BCAS3: variants seen among roughly 807,000 people sequenced by gnomAD.
BCAS3 encodes the protein BCAS4/BCAS3 fusion.
A neutral mutation model predicts 116.1 loss-of-function variants in BCAS3; 53 were observed. The ratio of observed to expected loss-of-function variants is 0.46; its 90% CI spans 0.37 to 0.57. BCAS3 has a LOEUF of 0.57. BCAS3 is among the 20% of genes least tolerant of loss of function. The pLI is 0.00. For synonymous variants in BCAS3, 391 were observed against 408.2 expected, an observed-to-expected ratio of 0.96 and a Z score of 0.51; for missense variants, 917 against 1,165.4, an observed-to-expected ratio of 0.79 and a Z score of 3.10.
At chr17:61,060,303 T>G (rs1051006916) in intron 19 of BCAS3, among the ~76,000 whole-genome samples, 10 of 150,706 alleles carry the variant, frequency 6.6e-5, no homozygotes, top group Non-Finnish European at 1.0e-4. Flanking sequence ...ATTTTTTTTT[T>G]TTTGTGTATT....
At chr17:61,030,678 G>A (rs572003184) in intron 16 of BCAS3, among the ~76,000 whole-genome samples, 36 of 151,852 alleles carry the variant, frequency 2.4e-4, no homozygotes, top group African/African-American at 6.8e-4. Context: ...TTGGTTATTC[G>A]GTTTTTTTGT....
intron 22 of BCAS3, among the ~76,000 whole-genome samples, chr17:61,178,880 T>C (rs903425176): frequency 2.7e-4 from 41 of 152,174 alleles, no homozygotes; most frequent in Admixed American, 2.5e-3. Context: ...ATGAAGACGC[T>C]GGAGCTTTGC....
intron 5 of BCAS3, among the ~76,000 whole-genome samples, chr17:60,709,725 A>G (rs2037623676): frequency 1.3e-5 from 2 of 151,644 alleles, no homozygotes; most frequent in Non-Finnish European, 2.9e-5. Context: ...ATTCCTTTCA[A>G]TGGAGTTACT....
At chr17:61,062,651 G>T (rs538727647) in intron 19 of BCAS3, among the ~76,000 whole-genome samples, 4 of 152,100 alleles carry the variant, frequency 2.6e-5, no homozygotes, top group Non-Finnish European at 4.4e-5. Context: ...GGAGTTAAAA[G>T]ATACAAATTA....
intron 6 of BCAS3, among the ~76,000 whole-genome samples, chr17:60,759,329 G>A (rs2043289555): frequency 6.6e-6 from 1 of 152,160 alleles, no homozygotes; most frequent in Non-Finnish European, 1.5e-5. Context: ...AAGAAAATTC[G>A]CAGAGTGTAT....
intron 5 of BCAS3, among the ~76,000 whole-genome samples, chr17:60,711,062 A>G (rs921256637): frequency 6.6e-6 from 1 of 151,944 alleles, no homozygotes; most frequent in African/African-American, 2.4e-5. Flanking sequence ...TTGGCCTCCT[A>G]AAGTGTGGGC....
chr17:61,074,858 C>T, intron 19 of BCAS3, 62 bp from the exon 20 acceptor site: 1 of 1,140,804 alleles, frequency 8.8e-7, no homozygotes, highest in East Asian at 2.4e-5. Context: ...ATGGTTGTGC[C>T]CACGTCTGTT....
chr17:61,345,027 T>C (rs2143277964), intron 22 of BCAS3, among the ~76,000 whole-genome samples: 1 of 152,228 alleles, frequency 6.6e-6, no homozygotes, highest in Non-Finnish European at 1.5e-5. Context: ...TTATAAACCA[T>C]CCGCCTGGGG....
At chr17:60,730,307 G>A (rs780194989) in intron 5 of BCAS3, among the ~76,000 whole-genome samples, 18 of 152,062 alleles carry the variant, frequency 1.2e-4, no homozygotes, top group Non-Finnish European at 1.8e-4. Context: ...TGTGGTTTTC[G>A]TATTGTTCTT....
rs118021376 is a variant in BCAS3 at position 61,000,231 on chromosome 17, C to T, written c.1486+9996C>T. Among the ~76,000 whole-genome samples the T allele has an allele frequency of 4.4e-3, 664 of 152,218 alleles. 1 individual carries two copies. The highest frequency in any genetic ancestry group is 6.9e-3 in the Non-Finnish European group (466 of 68,008). On this transcript the variant is annotated intron_variant, in intron 15 of 23. Transcript: ENST00000407086. ...TTCCAGTTCTTGAGGAGGAATACTT[C>T]CAGCTTCTGCCCATTCAGTATGATG...
chr17:60,719,634 A>G (rs1473177314), intron 5 of BCAS3, among the ~76,000 whole-genome samples: 1 of 152,244 alleles, frequency 6.6e-6, no homozygotes. Flanking sequence ...TGAGGAGTTG[A>G]ACTTATTCTT....
chr17:61,194,319 GGTT>G (rs2080342263), intron 22 of BCAS3, among the ~76,000 whole-genome samples: 2 of 152,148 alleles, frequency 1.3e-5, no homozygotes, highest in Non-Finnish European at 1.5e-5. Context: ...CTTTGTCATT[GGTT>G]AACCCGAGTT....
In BCAS3 at chr17:61,017,157, T is replaced by C. The variant is rs1415465840; in HGVS notation, c.1637+1256T>C. ...GTATAATTTTAAATTGGATTTCAAC[T>C]TTCTCTTCCTCTGTTAGTTTATTTT... is the stretch of plus-strand genomic sequence containing the variant. On this transcript the variant is annotated intron_variant, in intron 16 of 23. Transcript: ENST00000407086. The surrounding 1 kb of genome is among the most constrained non-coding windows in gnomAD (Gnocchi z 4.7). 1.3e-5 allele frequency: 2 copies of C among 152,212 alleles called. No homozygotes were observed. Among genetic ancestry groups the C allele is most frequent in the Non-Finnish European group, 2.9e-5 (2 of 68,032 alleles). 9.4% of individuals were successfully genotyped at this position (152,212 alleles called of 1,614,324 possible). A position where few individuals can be genotyped will look rare whatever the true frequency, so the allele number is the denominator to read the frequency against.
At chr17:60,724,420 C>CAA (rs748461644) in intron 5 of BCAS3, among the ~76,000 whole-genome samples, 64 of 39,408 alleles carry the variant, frequency 1.6e-3, no homozygotes, top group East Asian at 2.4e-3. Context: ...GAGACTGTCT[C>CAA]AAAAAAAAAA....
At chr17:60,709,352 A>G in intron 5 of BCAS3, 27 bp downstream of exon 5, 1 of 1,282,166 alleles carries the variant, frequency 7.8e-7, no homozygotes, top group Non-Finnish European at 1.1e-6. Flanking sequence ...TTGAATACCT[A>G]AAACATACTT....
chr17:61,066,958 A>G (rs1281182794), intron 19 of BCAS3, among the ~76,000 whole-genome samples: 31 of 152,024 alleles, frequency 2.0e-4, no homozygotes, highest in Non-Finnish European at 4.4e-5. Flanking sequence ...TGCAATTATT[A>G]TTTATATACT....
chr17:61,295,968 A>G (rs922961801), intron 22 of BCAS3, among the ~76,000 whole-genome samples: 28 of 152,024 alleles, frequency 1.8e-4, no homozygotes, highest in African/African-American at 5.1e-4. Context: ...AAAAAAAAAA[A>G]AAAGAAAGAA....
chr17:60,831,198 A>G (rs778813874), intron 7 of BCAS3, among the ~76,000 whole-genome samples: 8 of 151,042 alleles, frequency 5.3e-5, no homozygotes, highest in Non-Finnish European at 1.2e-4. Context: ...TTTTTTTGAG[A>G]CCCAGCCTCA....
chr17:61,098,534 A>G lies in BCAS3; in HGVS notation c.2425+13970A>G, dbSNP rs569001604. 1.3e-5 allele frequency among the ~76,000 whole-genome samples: 2 copies of G among 152,204 alleles called. No individual in the cohort carries two copies. Among genetic ancestry groups the G allele is most frequent in the Non-Finnish European group, 2.9e-5 (2 of 67,992 alleles). ...GGGAGGAATTTTTCTAAACCCAAAT[A>G]CCTCAATTTGAAGTGAGGCTTGGCT... On this transcript the variant is annotated intron_variant, in intron 22 of 23. Coordinates refer to ENST00000407086, the MANE Select transcript of BCAS3 (RefSeq NM_017679.5). This position sits in a 1 kb window ranked among gnomAD's most constrained non-coding sequence, Gnocchi z 4.2.
Sources: gnomAD v4.1 joint callset for allele counts (sites outside exome capture counted in the v4.1 genomes callset) on GRCh38, gnomAD v4.1.1 for gene constraint, Gnocchi (gnomAD v3.1) non-coding constraint, MANE v1.5 for transcripts, NCBI Gene and HGNC (gene_info 2026-07-23, HGNC 2026-07-21) for gene names.